Variants in SORBS2 observed in about 807,000 individuals in gnomAD.
SORBS2 encodes the protein sorbin and SH3 domain-containing protein 2.
In SORBS2, 46 loss-of-function variants were observed where a neutral mutation model predicts 97.7. That is an observed-to-expected ratio of 0.47 (90% CI 0.37 to 0.60). SORBS2 has a LOEUF of 0.60. Among genes scored for constraint, SORBS2 ranks in the 20% least tolerant of loss-of-function variants. SORBS2 has a pLI of 0.00. For synonymous variants in SORBS2, 476 were observed against 473.4 expected (o/e 1.01, Z -0.07); for missense variants, 1,316 against 1,282.3 (o/e 1.03, Z -0.40).
intron 1 of SORBS2, among the ~76,000 whole-genome samples, chr4:185,803,493 C>T (rs974828781): frequency 2.6e-5 from 4 of 152,094 alleles, no homozygotes; most frequent in African/African-American, 4.8e-5. Flanking sequence ...TTTGGGACTT[C>T]GGGTCAACAG....
At chr4:185,912,779 G>A (rs1027665127) in intron 1 of SORBS2, among the ~76,000 whole-genome samples, 1 of 151,920 alleles carries the variant, frequency 6.6e-6, no homozygotes, top group Non-Finnish European at 1.5e-5. Context: ...TTTTGCTCTG[G>A]AGAACATCAA....
chr4:185,642,412 T>A (rs907816378), intron 4 of SORBS2, among the ~76,000 whole-genome samples: 1 of 152,170 alleles, frequency 6.6e-6, no homozygotes, highest in Non-Finnish European at 1.5e-5. Context: ...TAATTTTTTT[T>A]TTTAAATTTA....
chr4:185,888,757 C>T (rs1197747334), intron 1 of SORBS2, among the ~76,000 whole-genome samples: 1 of 152,168 alleles, frequency 6.6e-6, no homozygotes, highest in Non-Finnish European at 1.5e-5. Context: ...CTGTGTCCAC[C>T]CCAACCCGCA....
At chr4:185,685,620 C>T (rs527304242) in intron 2 of SORBS2, among the ~76,000 whole-genome samples, 9 of 152,322 alleles carry the variant, frequency 5.9e-5, no homozygotes, top group South Asian at 4.1e-4. Flanking sequence ...CCATCTCAAC[C>T]TCCTGCGCTC....
chr4:185,722,065 G>A (rs1475213046), intron 2 of SORBS2, among the ~76,000 whole-genome samples: 2 of 152,152 alleles, frequency 1.3e-5, no homozygotes, highest in Non-Finnish European at 2.9e-5. Context: ...CTGTTAAAAG[G>A]TCGTGAATTC....
intron 1 of SORBS2, among the ~76,000 whole-genome samples, chr4:185,922,278 C>T (rs186622278): frequency 8.2e-6 from 1 of 122,216 alleles, no homozygotes; most frequent in African/African-American, 3.4e-5. Context: ...TCTCCCCTTC[C>T]TCTCTCTGTC....
At chr4:185,599,035 A>C (rs2096189631) in intron 12 of SORBS2, among the ~76,000 whole-genome samples, 1 of 152,220 alleles carries the variant, frequency 6.6e-6, no homozygotes. Context: ...ACAAATTGGC[A>C]TTTCTGTCTC....
At chr4:185,782,642 CA>C (rs1164389807) in intron 1 of SORBS2, among the ~76,000 whole-genome samples, 1 of 152,196 alleles carries the variant, frequency 6.6e-6, no homozygotes, top group Non-Finnish European at 1.5e-5. Flanking sequence ...ATAGTCATTC[CA>C]ATGGTATGAA....
exon 7 of SORBS2, chr4:185,624,468 A>T: frequency 6.2e-7 from 1 of 1,608,872 alleles, no homozygotes; most frequent in Non-Finnish European, 8.5e-7. Context: ...CTGCAAAGGG[A>T]TGGACATATT....
chr4:185,637,309 G>A, intron 4 of SORBS2, among the ~76,000 whole-genome samples: 1 of 152,204 alleles, frequency 6.6e-6, no homozygotes, highest in East Asian at 1.9e-4. Flanking sequence ...TGCTGTACAG[G>A]TTTGTAGCCC....
intron 1 of SORBS2, among the ~76,000 whole-genome samples, chr4:185,825,271 AAT>A (rs1206876746): frequency 3.4e-5 from 3 of 88,938 alleles, no homozygotes; most frequent in African/African-American, 1.2e-4. Context: ...AATAACAGTC[AAT>A]GTAATTTATT....
intron 2 of SORBS2, among the ~76,000 whole-genome samples, chr4:185,745,028 A>G (rs991342729): frequency 6.6e-6 from 1 of 152,218 alleles, no homozygotes; most frequent in African/African-American, 2.4e-5. Flanking sequence ...TAAAGAAAAC[A>G]GAAGACACTT....
At chr4:185,893,479 TC>T (rs1425593402) in intron 1 of SORBS2, among the ~76,000 whole-genome samples, 2 of 152,204 alleles carry the variant, frequency 1.3e-5, no homozygotes, top group Admixed American at 6.5e-5. Flanking sequence ...AGCACCTCAC[TC>T]ATGGATGTTA....
At chr4:185,775,534 A>C (rs2098995853) in intron 1 of SORBS2, 168 bp from the exon 2 acceptor site, 1 of 151,908 alleles carries the variant, frequency 6.6e-6, no homozygotes, top group Non-Finnish European at 1.5e-5. Context: ...CCCCCACTCC[A>C]GGGGGGAGAA....
chr4:185,646,165 C>G (rs1421409947), intron 4 of SORBS2: 1 of 151,996 alleles, frequency 6.6e-6, no homozygotes, highest in Non-Finnish European at 1.5e-5. Context: ...TATTAAAAAG[C>G]CAATATGGAA....
chr4:185,650,359 C>T (rs901641515), intron 2 of SORBS2, among the ~76,000 whole-genome samples: 6 of 152,014 alleles, frequency 3.9e-5, no homozygotes, highest in African/African-American at 9.7e-5. Flanking sequence ...GAATGAGTTT[C>T]GGTGAGCAGG....
At chr4:185,658,828 G>T (rs1027360296), upstream of SORBS2, among the ~76,000 whole-genome samples, 1 of 151,152 alleles carries the variant, frequency 6.6e-6, no homozygotes, top group African/African-American at 2.4e-5. Context: ...CTACAGGTGC[G>T]TGCCACCATG....
chr4:185,901,424 A>T (rs949587946), intron 1 of SORBS2, among the ~76,000 whole-genome samples: 1 of 152,142 alleles, frequency 6.6e-6, no homozygotes, highest in Admixed American at 6.5e-5. Flanking sequence ...GGCTAATCTC[A>T]AACTCCCAAC....
At chr4:185,797,822 C>T (rs981180579) in intron 1 of SORBS2, among the ~76,000 whole-genome samples, 5 of 152,148 alleles carry the variant, frequency 3.3e-5, no homozygotes, top group African/African-American at 1.2e-4. Context: ...CCAGACGCAC[C>T]ATCCAGCCTG....
Sources: gnomAD v4.1 joint callset for allele counts (sites outside exome capture counted in the v4.1 genomes callset) on GRCh38, gnomAD v4.1.1 for gene constraint, MANE v1.5 for transcripts, NCBI Gene and HGNC (gene_info 2026-07-23, HGNC 2026-07-21) for gene names.